COLEC12: variants seen among roughly 807,000 people sequenced by gnomAD.
The protein encoded by COLEC12 is collectin subfamily member 12.
COLEC12 carries 33 observed loss-of-function variants against 71.1 expected under a neutral mutation model. The observed-to-expected ratio is 0.46, with a 90% CI of 0.35 to 0.62. COLEC12 has a LOEUF of 0.62. Ranked by LOEUF, COLEC12 falls within the 20% of genes least tolerant of loss-of-function variation. The pLI is 0.00. For missense variants in COLEC12, 765 were observed against 916.1 expected (o/e 0.84, Z 2.13); for synonymous variants, 350 against 353.0 (o/e 0.99, Z 0.10).
intron 1 of COLEC12, among the ~76,000 whole-genome samples, chr18:483,008 T>C (rs900635468): frequency 6.6e-6 from 1 of 152,240 alleles, no homozygotes; most frequent in African/African-American, 2.4e-5. Context: ...TAGCTATATC[T>C]GAACCTTGAA....
chr18:323,633 A>G (rs1913768122), intron 8 of COLEC12, among the ~76,000 whole-genome samples: 1 of 152,250 alleles, frequency 6.6e-6, no homozygotes, highest in South Asian at 2.1e-4. Flanking sequence ...GGAGATGTCA[A>G]CAATGCCTGA....
At chr18:420,570 T>C (rs1916078482) in intron 2 of COLEC12, among the ~76,000 whole-genome samples, 1 of 152,212 alleles carries the variant, frequency 6.6e-6, no homozygotes, top group Non-Finnish European at 1.5e-5. Context: ...CTGGATTATC[T>C]TTCCCTCAAG....
chr18:451,691 G>A (rs962364929), intron 2 of COLEC12, among the ~76,000 whole-genome samples: 5 of 151,788 alleles, frequency 3.3e-5, no homozygotes, highest in Non-Finnish European at 5.9e-5. Context: ...AGGTTGCAGT[G>A]AGTCGAGATC....
Position 500,239 on chromosome 18 carries a change from C to G in COLEC12, c.7+269G>C, listed in dbSNP as rs1276060755. Among the ~76,000 whole-genome samples, 1 of 152,198 alleles carries G rather than the reference C, an allele frequency of 6.6e-6. No homozygotes were observed. Among genetic ancestry groups the G allele is most frequent in the African/African-American group, 2.4e-5 (1 of 41,470 alleles). ...GGAAACGGGAATCCGTAAACAACGA[C>G]TTAGGGCTTCAAACTACTTGCAAAG... is the stretch of plus-strand genomic sequence containing the variant. On this transcript the variant is annotated intron_variant, in intron 1 of 9. Coordinates refer to ENST00000400256, the MANE Select transcript of COLEC12 (RefSeq NM_130386.3). The surrounding 1 kb of genome is among the most constrained non-coding windows in gnomAD (Gnocchi z 5.3).
chr18:394,157 CAGAAAAGCAATTG>C (rs1485897688), intron 2 of COLEC12, among the ~76,000 whole-genome samples: 1 of 152,180 alleles, frequency 6.6e-6, no homozygotes, highest in African/African-American at 2.4e-5. Flanking sequence ...AGGCCAACAC[CAGAAAAGCAATTG>C]AGTAAAGTCA....
chr18:445,171 G>A (rs1393944705), intron 2 of COLEC12, among the ~76,000 whole-genome samples: 2 of 152,150 alleles, frequency 1.3e-5, no homozygotes, highest in East Asian at 3.8e-4. Flanking sequence ...ACTGAAATGT[G>A]GGCCAGAGAG....
chr18:417,473 G>A (rs1489057150), intron 2 of COLEC12, among the ~76,000 whole-genome samples: 3 of 152,148 alleles, frequency 2.0e-5, no homozygotes. Flanking sequence ...TGTTCTAAAG[G>A]TTATAGTGGT....
intron 2 of COLEC12, among the ~76,000 whole-genome samples, chr18:446,554 ATT>A (rs11308085): frequency 0.019 from 2,427 of 130,440 alleles, 88 homozygotes; most frequent in East Asian, 0.12. Flanking sequence ...AAAAAAAAAA[ATT>A]TTTTTTTTTT....
chr18:429,783 C>T lies in COLEC12; in HGVS notation c.58+50924G>A, dbSNP rs112816483. Reference sequence around the variant, plus strand: ...CAGATGTGGATATGAATGGCTGATTCCAGGCCCACGTGAGCATAAATGCAG... The same window carrying T: ...CAGATGTGGATATGAATGGCTGATTTCAGGCCCACGTGAGCATAAATGCAG... On this transcript the variant is annotated intron_variant, in intron 2 of 9. Transcript: ENST00000400256. Among the ~76,000 whole-genome samples, 548 of 152,250 alleles carry T rather than the reference C, an allele frequency of 3.6e-3. 2 individuals are homozygous for T. Among genetic ancestry groups the T allele is most frequent in the African/African-American group, 0.012 (507 of 41,534 alleles).
intron 1 of COLEC12, among the ~76,000 whole-genome samples, chr18:481,045 C>T (rs568019298): frequency 1.3e-4 from 20 of 152,290 alleles, no homozygotes; most frequent in Middle Eastern, 3.4e-3. Flanking sequence ...CTCCCTGCCA[C>T]GCTACACTAA....
chr18:386,306 G>A (rs935630717), intron 2 of COLEC12, among the ~76,000 whole-genome samples: 8 of 152,136 alleles, frequency 5.3e-5, no homozygotes, highest in Non-Finnish European at 1.0e-4. Context: ...GGGCAGGCAG[G>A]GGTGACTGGA....
chr18:483,600 T>C lies in COLEC12; in HGVS notation c.8-2843A>G, dbSNP rs533243219. ...GATTTAAGCTTTAATTCTTTCTGAA[T>C]GGAAGAACTTGCCTACAACCAAGAG... On this transcript the variant is annotated intron_variant, in intron 1 of 9. Coordinates refer to ENST00000400256, the MANE Select transcript of COLEC12 (RefSeq NM_130386.3). 7.9e-5 allele frequency among the ~76,000 whole-genome samples: 12 copies of C among 152,324 alleles called. No individual in the cohort carries two copies. In the East Asian group the frequency reaches 1.3e-3, roughly 17 times the overall value.
chr18:373,450 G>A (rs1915045588), intron 2 of COLEC12, among the ~76,000 whole-genome samples: 2 of 152,152 alleles, frequency 1.3e-5, no homozygotes, highest in Non-Finnish European at 2.9e-5. Context: ...TATTTCCTTA[G>A]CCACACAGAT....
intron 2 of COLEC12, among the ~76,000 whole-genome samples, chr18:409,666 T>C (rs1235297333): frequency 2.0e-5 from 3 of 152,256 alleles, no homozygotes; most frequent in Non-Finnish European, 4.4e-5. Context: ...ACACTTTATA[T>C]AGCAATAATA....
intron 2 of COLEC12, among the ~76,000 whole-genome samples, chr18:368,625 G>A (rs988452099): frequency 9.9e-5 from 15 of 152,208 alleles, no homozygotes; most frequent in African/African-American, 3.1e-4. Context: ...AGAACTTTGG[G>A]AGGCCAAGGT....
chr18:493,602 A>G (rs1401947013), intron 1 of COLEC12, among the ~76,000 whole-genome samples: 1 of 152,216 alleles, frequency 6.6e-6, no homozygotes, highest in Non-Finnish European at 1.5e-5. Flanking sequence ...TGTCTACCAG[A>G]CTGCAAGCTC....
intron 2 of COLEC12, among the ~76,000 whole-genome samples, chr18:383,422 C>T (rs562623967): frequency 5.9e-5 from 9 of 152,062 alleles, no homozygotes; most frequent in Non-Finnish European, 8.8e-5. Flanking sequence ...CCCAACTCCC[C>T]GTATGTCTCA....
rs1357479585 is a variant in COLEC12, at chr18:480,083, T to C, written c.58+624A>G. On this transcript the variant is annotated intron_variant, in intron 2 of 9. Transcript: ENST00000400256. The surrounding 1 kb of genome is among the most constrained non-coding windows in gnomAD (Gnocchi z 4.1). Reference sequence around the variant, plus strand: ...AGTCACATCTCCCTCTGCCTCTCTCTTACAAGGACGCTTGTGATGGCTTTC... The same window carrying C: ...AGTCACATCTCCCTCTGCCTCTCTCCTACAAGGACGCTTGTGATGGCTTTC... 6.6e-6 allele frequency among the ~76,000 whole-genome samples: 1 copy of C among 152,248 alleles called. No individual in the cohort carries two copies. The highest frequency in any genetic ancestry group is 1.5e-5 in the Non-Finnish European group (1 of 68,046).
At chr18:370,899 A>G (rs768340937) in intron 2 of COLEC12, among the ~76,000 whole-genome samples, 2 of 152,210 alleles carry the variant, frequency 1.3e-5, no homozygotes, top group Admixed American at 1.3e-4. Context: ...GCACCAAGAC[A>G]GGGCTCATTC....
Sources: gnomAD v4.1 joint callset for allele counts (sites outside exome capture counted in the v4.1 genomes callset) on GRCh38, gnomAD v4.1.1 for gene constraint, Gnocchi (gnomAD v3.1) non-coding constraint, MANE v1.5 for transcripts, NCBI Gene and HGNC (gene_info 2026-07-23, HGNC 2026-07-21) for gene names.